The following CACNG3 variants were observed in gnomAD, a reference collection of about 807,000 sequenced individuals.
The protein encoded by CACNG3 is calcium voltage-gated channel auxiliary subunit gamma 3.
CACNG3 carries 3 observed loss-of-function variants against 28.5 expected under a neutral mutation model. That is an observed-to-expected ratio of 0.11 (90% CI 0.05 to 0.27). The LOEUF (loss-of-function observed/expected upper bound fraction) is 0.27. CACNG3 is among the 10% of genes least tolerant of loss of function. The probability of loss-of-function intolerance (pLI) is 1.00; values close to 1 mark genes in which losing one functional copy is unlikely to be tolerated. For synonymous variants in CACNG3, 174 were observed against 162.2 expected, an observed-to-expected ratio of 1.07 and a Z score of -0.55; for missense variants, 236 against 414.4, an observed-to-expected ratio of 0.57 and a Z score of 3.74.
At chr16:24,329,742 A>G (rs974666537) in intron 1 of CACNG3, among the ~76,000 whole-genome samples, 2 of 152,210 alleles carry the variant, frequency 1.3e-5, no homozygotes, top group African/African-American at 4.8e-5. Flanking sequence ...ATTAGAAAAC[A>G]ACTGGTAGTG....
intron 1 of CACNG3, among the ~76,000 whole-genome samples, chr16:24,340,372 T>G: frequency 6.6e-6 from 1 of 152,164 alleles, no homozygotes. Flanking sequence ...CTCTCCAGAC[T>G]GGGCAACAGA....
At chr16:24,342,986 T>A (rs1448700918) in intron 1 of CACNG3, among the ~76,000 whole-genome samples, 1 of 151,994 alleles carries the variant, frequency 6.6e-6, no homozygotes, top group Non-Finnish European at 1.5e-5. Context: ...GGCCAGGAGT[T>A]CAAGACCAGC....
intron 1 of CACNG3, among the ~76,000 whole-genome samples, chr16:24,304,487 C>T (rs940961365): frequency 2.0e-5 from 3 of 152,000 alleles, no homozygotes; most frequent in African/African-American, 7.3e-5. Context: ...CCTGATAAGC[C>T]CCTAGAAGCT....
intron 1 of CACNG3, among the ~76,000 whole-genome samples, chr16:24,335,288 C>T (rs1028345497): frequency 6.6e-6 from 1 of 151,946 alleles, no homozygotes; most frequent in South Asian, 2.1e-4. Context: ...GGCGTGGTGG[C>T]GGGCACCTGT....
At chr16:24,358,688 T>A (rs1021051064) in intron 3 of CACNG3, among the ~76,000 whole-genome samples, 1 of 152,224 alleles carries the variant, frequency 6.6e-6, no homozygotes, top group Non-Finnish European at 1.5e-5. Context: ...TCAGATCTTG[T>A]TTTCCCTAAG....
At chr16:24,308,091 C>A (rs1899210319) in intron 1 of CACNG3, among the ~76,000 whole-genome samples, 1 of 152,126 alleles carries the variant, frequency 6.6e-6, no homozygotes, top group Non-Finnish European at 1.5e-5. Flanking sequence ...ATGTGTGGAG[C>A]CAACACTTAA....
chr16:24,337,404 G>T (rs1266532136), intron 1 of CACNG3, among the ~76,000 whole-genome samples: 1 of 152,136 alleles, frequency 6.6e-6, no homozygotes, highest in Non-Finnish European at 1.5e-5. Flanking sequence ...TCAGGCTGGG[G>T]CCCACGCTGC....
Position 24,256,752 on chromosome 16 carries a change from A to C in CACNG3, c.-3A>C. 1 of 1,606,082 alleles carries C rather than the reference A, an allele frequency of 6.2e-7. No individual in the cohort carries two copies. Among genetic ancestry groups the C allele is most frequent in the Non-Finnish European group, 8.5e-7 (1 of 1,172,728 alleles). On this transcript the variant is annotated 5_prime_UTR_variant, in exon 1 of 4. Transcript: ENST00000005284. This position sits in a 1 kb window ranked among gnomAD's most constrained non-coding sequence, Gnocchi z 4.6. Reference sequence around the variant, plus strand: ...CCAGCCGTCCAGAGTACCATGAAGAATTATGAGGATGTGTGACAGAGGTAT... The same window carrying C: ...CCAGCCGTCCAGAGTACCATGAAGACTTATGAGGATGTGTGACAGAGGTAT...
At chr16:24,320,038 G>A (rs904085894) in intron 1 of CACNG3, among the ~76,000 whole-genome samples, 13 of 152,112 alleles carry the variant, frequency 8.5e-5, no homozygotes, top group African/African-American at 3.1e-4. Context: ...CAAAGTGCTG[G>A]GATTGTTAGG....
rs138274995 is a variant in CACNG3, at chr16:24,266,308, A to G, written c.211+9343A>G. ...GGCAGCTGGTGTTGGGAGTTTAGGT[A>G]CGAATACTGTGTCATTTAGCTCCAT... On this transcript the variant is annotated intron_variant, in intron 1 of 3. Transcript: ENST00000005284. Among the ~76,000 whole-genome samples, 316 of 152,358 alleles carry G rather than the reference A, an allele frequency of 2.1e-3. 2 individuals are homozygous for G. Among genetic ancestry groups the G allele is most frequent in the Non-Finnish European group, 1.2e-3 (79 of 68,036 alleles).
chr16:24,320,895 A>T (rs1239610955), intron 1 of CACNG3, among the ~76,000 whole-genome samples: 2 of 149,792 alleles, frequency 1.3e-5, no homozygotes, highest in African/African-American at 2.5e-5. Context: ...ATGCCTAATA[A>T]TTTTTTTTTT....
chr16:24,312,900 G>T (rs1455353549), intron 1 of CACNG3, among the ~76,000 whole-genome samples: 1 of 115,312 alleles, frequency 8.7e-6, no homozygotes, highest in Non-Finnish European at 1.7e-5. Flanking sequence ...GAAAAGGAAA[G>T]AAAGAAGGAA....
At chr16:24,346,945 T>A in intron 2 of CACNG3, 128 bp downstream of exon 2, 1 of 689,922 alleles carries the variant, frequency 1.4e-6, no homozygotes, top group South Asian at 1.8e-5. Context: ...AGAAGCCCCA[T>A]GTGCCAGTAC....
chr16:24,326,167 C>A (rs113533894), intron 1 of CACNG3, among the ~76,000 whole-genome samples: 1 of 92,728 alleles, frequency 1.1e-5, no homozygotes, highest in Non-Finnish European at 2.3e-5. Context: ...TTTGTTTTTT[C>A]TTTTTTCTTT....
At chr16:24,337,973 T>G (rs1429685842) in intron 1 of CACNG3, among the ~76,000 whole-genome samples, 2 of 151,184 alleles carry the variant, frequency 1.3e-5, no homozygotes, top group Non-Finnish European at 3.0e-5. Context: ...CAGTGATCCC[T>G]GTGCTGAAAA....
intron 1 of CACNG3, among the ~76,000 whole-genome samples, chr16:24,299,746 A>T (rs1280748728): frequency 4.6e-5 from 7 of 152,160 alleles, no homozygotes; most frequent in Admixed American, 4.6e-4. Flanking sequence ...ATCCAGTATG[A>T]CGTGGTTCAT....
intron 1 of CACNG3, among the ~76,000 whole-genome samples, chr16:24,277,783 A>AC (rs1555458723): frequency 6.8e-6 from 1 of 148,122 alleles, no homozygotes; most frequent in Non-Finnish European, 1.5e-5. Context: ...CCATCTCAAA[A>AC]AAAAAAAAAA....
At chr16:24,346,414 T>C (rs1555462122) in intron 1 of CACNG3, among the ~76,000 whole-genome samples, 1 of 152,050 alleles carries the variant, frequency 6.6e-6, no homozygotes, top group Non-Finnish European at 1.5e-5. Flanking sequence ...GTTGTCACTA[T>C]CAAAAAATGT....
intron 1 of CACNG3, among the ~76,000 whole-genome samples, chr16:24,312,254 C>G (rs1340466333): frequency 6.6e-6 from 1 of 152,240 alleles, no homozygotes; most frequent in Non-Finnish European, 1.5e-5. Flanking sequence ...CTCTTCCTGT[C>G]ATAACTGAGC....
Sources: gnomAD v4.1 joint callset for allele counts (sites outside exome capture counted in the v4.1 genomes callset) on GRCh38, gnomAD v4.1.1 for gene constraint, Gnocchi (gnomAD v3.1) non-coding constraint, MANE v1.5 for transcripts, NCBI Gene and HGNC (gene_info 2026-07-23, HGNC 2026-07-21) for gene names.